SCGB2B2: variants seen among roughly 807,000 people sequenced by gnomAD.
The protein encoded by SCGB2B2 is secretoglobin family 2B member 2.
Under a neutral mutation model 7.6 loss-of-function variants are expected in SCGB2B2, and 11 were observed. The ratio of observed to expected loss-of-function variants is 1.45; its 90% CI spans 0.91 to 2.40. The LOEUF (loss-of-function observed/expected upper bound fraction) is 2.40, where lower values mean the gene tolerates loss of function less well. Among genes scored for constraint, SCGB2B2 ranks in the 30% most tolerant of loss-of-function variants. SCGB2B2 has a pLI of 0.00. For synonymous variants in SCGB2B2, 50 were observed against 48.6 expected (o/e 1.03, Z -0.12); for missense variants, 104 against 115.4 (o/e 0.90, Z 0.45).
intron 1 of SCGB2B2, among the ~76,000 whole-genome samples, chr19:34,597,261 A>G (rs2065484274): frequency 6.6e-6 from 1 of 152,090 alleles, no homozygotes; most frequent in Non-Finnish European, 1.5e-5. Flanking sequence ...CTGCCCCACA[A>G]GAGCCACCAT....
At chr19:34,670,238 G>C (rs555047029) in intron 1 of SCGB2B2, among the ~76,000 whole-genome samples, 1 of 152,172 alleles carries the variant, frequency 6.6e-6, no homozygotes, top group African/African-American at 2.4e-5. Flanking sequence ...TTTAAAAGAT[G>C]TCATCATAAA....
chr19:34,596,628 G>A (rs1039617548), intron 1 of SCGB2B2, 34 bp from the exon 2 acceptor site: 1 of 152,530 alleles, frequency 6.6e-6, no homozygotes, highest in African/African-American at 2.4e-5. Context: ...GGGAGGCCTG[G>A]TGTGGGGACC....
At chr19:34,660,180 C>T (rs1197961291) in intron 1 of SCGB2B2, among the ~76,000 whole-genome samples, 1 of 152,098 alleles carries the variant, frequency 6.6e-6, no homozygotes, top group African/African-American at 2.4e-5. Flanking sequence ...CCATAAAAAC[C>T]CTAGAAGAAA....
chr19:34,604,618 T>C (rs1158333488), intron 1 of SCGB2B2, among the ~76,000 whole-genome samples: 1 of 152,260 alleles, frequency 6.6e-6, no homozygotes, highest in East Asian at 1.9e-4. Context: ...TCTATAGATA[T>C]GAAGAGTTTG....
downstream of SCGB2B2, among the ~76,000 whole-genome samples, chr19:34,586,897 T>TTTG (rs370786119): frequency 0.018 from 2,726 of 152,056 alleles, 44 homozygotes; most frequent in East Asian, 0.088. Flanking sequence ...AATATGTAGC[T>TTTG]TTGTTGTTGT....
rs71165673 is a variant in SCGB2B2, at chr19:34,608,660, CATATATAT to C, written c.-2031-12074_-2031-12067del. On this transcript the variant is annotated intron_variant, in intron 1 of 3. Coordinates refer to ENST00000601241, the MANE Select transcript of SCGB2B2 (RefSeq NM_001025591.4). ...ATTTTTTATGGCTAGTGTCTCATTG[CATATATAT>C]ATATATATATATATATACCGTATTT... The C allele has an allele frequency of 5.8e-3, 505 of 87,260 alleles. 40 individuals are homozygous for C. The highest frequency in any genetic ancestry group is 0.023 in the African/African-American group (400 of 17,528). 5.4% of individuals were successfully genotyped at this position (87,260 alleles called of 1,614,324 possible). A position where few individuals can be genotyped will look rare whatever the true frequency, so the allele number is the denominator to read the frequency against.
chr19:34,617,214 C>A (rs975544670), intron 1 of SCGB2B2, among the ~76,000 whole-genome samples: 4 of 152,100 alleles, frequency 2.6e-5, no homozygotes, highest in Admixed American at 2.0e-4. Flanking sequence ...TTTTCCAATT[C>A]TTTGAAGAAA....
intron 1 of SCGB2B2, among the ~76,000 whole-genome samples, chr19:34,665,611 G>A (rs565933929): frequency 6.6e-6 from 1 of 152,090 alleles, no homozygotes; most frequent in South Asian, 2.1e-4. Context: ...TGGGATGGAT[G>A]TGTGTGACAC....
At chr19:34,653,576 T>C (rs923297903) in intron 1 of SCGB2B2, among the ~76,000 whole-genome samples, 7 of 151,110 alleles carry the variant, frequency 4.6e-5, no homozygotes, top group African/African-American at 1.5e-4. Context: ...TTCAATAACA[T>C]AGTAGAAAAC....
chr19:34,628,398 A>ATAAT (rs2066437571), intron 1 of SCGB2B2, among the ~76,000 whole-genome samples: 1 of 151,980 alleles, frequency 6.6e-6, no homozygotes, highest in African/African-American at 2.4e-5. Context: ...AAAAGAGAGA[A>ATAAT]GAATCAAATA....
At chr19:34,620,408 C>T (rs1437137528) in intron 1 of SCGB2B2, among the ~76,000 whole-genome samples, 1 of 151,530 alleles carries the variant, frequency 6.6e-6, no homozygotes, top group African/African-American at 2.4e-5. Flanking sequence ...AACCATCATT[C>T]TGAGCAAACT....
intron 1 of SCGB2B2, among the ~76,000 whole-genome samples, chr19:34,669,258 T>A (rs967831779): frequency 5.9e-5 from 9 of 152,212 alleles, no homozygotes; most frequent in Non-Finnish European, 7.3e-5. Context: ...GTGTAACATG[T>A]GTTCCTAATG....
At chr19:34,635,232 G>T (rs895317058) in intron 1 of SCGB2B2, 3 of 279,938 alleles carry the variant, frequency 1.1e-5, no homozygotes, top group Non-Finnish European at 2.2e-5. Flanking sequence ...TGGAATTCTG[G>T]CTAAATAATT....
rs527811611 is a variant in SCGB2B2 at position 34,669,835 on chromosome 19, C to T, written c.-2032+5795G>A. Among the ~76,000 whole-genome samples, 3 of 151,998 alleles carry T rather than the reference C, an allele frequency of 2.0e-5. No individual in the cohort carries two copies. The East Asian group carries it at 5.8e-4, about 29-fold the overall frequency. ...ATGGAAAACATTATTATTTACATTT[C>T]CCGGGGCACACCATGCCACACAGGG... On this transcript the variant is annotated intron_variant, in intron 1 of 3. Transcript: ENST00000601241.
chr19:34,604,821 G>T (rs951503391), intron 1 of SCGB2B2, among the ~76,000 whole-genome samples: 3 of 151,972 alleles, frequency 2.0e-5, no homozygotes, highest in African/African-American at 7.3e-5. Context: ...GTTCCTAATT[G>T]TATTTTTATA....
Position 34,592,723 on chromosome 19 carries a change from C to T in SCGB2B2, c.*832G>A, listed in dbSNP as rs537463440. Reference sequence around the variant, plus strand: ...GCCGTGTTTGAGGGTGGCACTCGTTCCCTGTGACCTCAATGTCAATGTCCC... The same window carrying T: ...GCCGTGTTTGAGGGTGGCACTCGTTTCCTGTGACCTCAATGTCAATGTCCC... On this transcript the variant is annotated 3_prime_UTR_variant, in exon 4 of 4. Transcript: ENST00000601241. Among the ~76,000 whole-genome samples the T allele has an allele frequency of 2.6e-5, 4 of 152,260 alleles. No homozygotes were observed. In the South Asian group the frequency reaches 8.3e-4, roughly 32 times the overall value.
At chr19:34,644,481 C>T (rs533575688) in intron 1 of SCGB2B2, among the ~76,000 whole-genome samples, 3 of 151,522 alleles carry the variant, frequency 2.0e-5, no homozygotes, top group Admixed American at 1.3e-4. Context: ...TCACCACTAT[C>T]GATGTCCAAA....
chr19:34,652,536 A>C (rs1423249726), intron 1 of SCGB2B2, among the ~76,000 whole-genome samples: 1 of 151,370 alleles, frequency 6.6e-6, no homozygotes, highest in Non-Finnish European at 1.5e-5. Context: ...TATGGCCAAC[A>C]GGTATTTTTA....
In SCGB2B2 at chr19:34,592,180, A is replaced by G. The variant is rs975639359; in HGVS notation, c.*1375T>C. On this transcript the variant is annotated 3_prime_UTR_variant, in exon 4 of 4. Transcript: ENST00000601241. Reference sequence around the variant, plus strand: ...ATGACAAGGAGAATGGGTGGAAGGGAGAAAGGGCATTTTGGGCAGTGGGAG... The same window carrying G: ...ATGACAAGGAGAATGGGTGGAAGGGGGAAAGGGCATTTTGGGCAGTGGGAG... 3.3e-5 allele frequency among the ~76,000 whole-genome samples: 5 copies of G among 152,008 alleles called. No individual in the cohort carries two copies. The highest frequency in any genetic ancestry group is 7.4e-5 in the Non-Finnish European group (5 of 67,980).
Sources: allele counts gnomAD v4.1 joint callset (sites outside exome capture counted in the v4.1 genomes callset), GRCh38; gene constraint gnomAD v4.1.1; transcripts MANE v1.5; gene names NCBI Gene and HGNC (gene_info 2026-07-23, HGNC 2026-07-21).